Variants in HDAC9 observed in about 807,000 individuals in gnomAD.
HDAC9 encodes MEF-2 interacting transcription repressor (MITR) protein.
Under a neutral mutation model 139.4 loss-of-function variants are expected in HDAC9, and 41 were observed. The ratio of observed to expected loss-of-function variants is 0.29; its 90% CI spans 0.23 to 0.38. The LOEUF (loss-of-function observed/expected upper bound fraction) is 0.38. HDAC9 is among the 10% of genes least tolerant of loss of function. HDAC9 has a pLI of 1.00. For missense variants in HDAC9, 1,147 were observed against 1,297.0 expected, an observed-to-expected ratio of 0.88 and a Z score of 1.78; for synonymous variants, 517 against 476.2, an observed-to-expected ratio of 1.09 and a Z score of -1.12.
At chr7:18,281,485 A>G (rs1463006308) in intron 2 of HDAC9, among the ~76,000 whole-genome samples, 1 of 152,192 alleles carries the variant, frequency 6.6e-6, no homozygotes, top group African/African-American at 2.4e-5. Context: ...TCAGGAAACC[A>G]CTTCTTTAAT....
chr7:18,399,894 G>C (rs565006473), intron 1 of HDAC9, among the ~76,000 whole-genome samples: 2 of 152,292 alleles, frequency 1.3e-5, no homozygotes, highest in African/African-American at 4.8e-5. Context: ...CTTTTCTTTA[G>C]TTTTTCAGGC....
chr7:18,111,497 TG>T (rs1420036924), intron 1 of HDAC9, among the ~76,000 whole-genome samples: 1 of 152,152 alleles, frequency 6.6e-6, no homozygotes, highest in African/African-American at 2.4e-5. Flanking sequence ...GCGACTCCCT[TG>T]GATACCAATA....
chr7:18,091,020 T>C (rs1430670227), intron 1 of HDAC9, among the ~76,000 whole-genome samples: 1 of 152,214 alleles, frequency 6.6e-6, no homozygotes, highest in Admixed American at 6.5e-5. Context: ...GTGGAATATA[T>C]TATCCAGCTT....
At chr7:18,398,017 C>T (rs767491727) in intron 1 of HDAC9, among the ~76,000 whole-genome samples, 3 of 152,170 alleles carry the variant, frequency 2.0e-5, no homozygotes, top group Non-Finnish European at 4.4e-5. Flanking sequence ...CTGAAACCCA[C>T]TGAGGTTCGG....
At chr7:18,795,476 T>C (rs1376031752) in intron 17 of HDAC9, among the ~76,000 whole-genome samples, 1 of 152,160 alleles carries the variant, frequency 6.6e-6, no homozygotes, top group Non-Finnish European at 1.5e-5. Flanking sequence ...GAAAAGTGGA[T>C]ATGAATCTCA....
chr7:18,922,517 C>T (rs924169769), intron 22 of HDAC9, among the ~76,000 whole-genome samples: 2 of 152,042 alleles, frequency 1.3e-5, no homozygotes, highest in Non-Finnish European at 2.9e-5. Context: ...AGTAGAGGAA[C>T]TTACTTTAAA....
At chr7:18,788,123 G>A (rs373577625) in intron 16 of HDAC9, among the ~76,000 whole-genome samples, 5 of 152,080 alleles carry the variant, frequency 3.3e-5, no homozygotes, top group South Asian at 2.1e-4. Context: ...AGCTGAGGTC[G>A]GCAGCAGATT....
intron 6 of HDAC9, among the ~76,000 whole-genome samples, chr7:18,611,106 G>A (rs1394506433): frequency 1.3e-5 from 2 of 152,106 alleles, no homozygotes; most frequent in Non-Finnish European, 2.9e-5. Flanking sequence ...AATGCATTGA[G>A]ACCTTTGTAA....
At chr7:18,355,307 G>C (rs989755649) in intron 1 of HDAC9, among the ~76,000 whole-genome samples, 1 of 152,128 alleles carries the variant, frequency 6.6e-6, no homozygotes, top group Non-Finnish European at 1.5e-5. Context: ...ATGGTTTAGA[G>C]CCTCTGGTCT....
At chr7:18,817,325 C>T (rs987028445) in intron 17 of HDAC9, among the ~76,000 whole-genome samples, 14 of 152,032 alleles carry the variant, frequency 9.2e-5, no homozygotes, top group South Asian at 2.1e-4. Context: ...TGAGCCACCG[C>T]GCCCGGCCGA....
At chr7:18,114,914 A>G (rs1783866725) in intron 1 of HDAC9, among the ~76,000 whole-genome samples, 1 of 152,192 alleles carries the variant, frequency 6.6e-6, no homozygotes, top group African/African-American at 2.4e-5. Context: ...AATATTAGAA[A>G]CGAGTGAAAT....
intron 23 of HDAC9, among the ~76,000 whole-genome samples, chr7:18,943,824 A>G (rs1310596547): frequency 2.0e-5 from 3 of 151,936 alleles, no homozygotes; most frequent in Non-Finnish European, 2.9e-5. Flanking sequence ...TTGACCAGAG[A>G]TATTTCTTTA....
At chr7:18,183,246 T>G (rs1377659432) in intron 2 of HDAC9, among the ~76,000 whole-genome samples, 1 of 152,168 alleles carries the variant, frequency 6.6e-6, no homozygotes, top group African/African-American at 2.4e-5. Context: ...TCTGACCTCG[T>G]GATCCGCCCG....
At chr7:18,100,226 C>T (rs973181038) in intron 1 of HDAC9, among the ~76,000 whole-genome samples, 5 of 152,090 alleles carry the variant, frequency 3.3e-5, no homozygotes, top group Middle Eastern at 3.4e-3. Flanking sequence ...AGTCCTATAA[C>T]GTATTCTGTT....
At chr7:18,623,722 T>C (rs562059598) in intron 6 of HDAC9, among the ~76,000 whole-genome samples, 103 of 152,222 alleles carry the variant, frequency 6.8e-4, no homozygotes, top group African/African-American at 2.4e-3. Context: ...GGCGGGCGGA[T>C]TACAAGGTCA....
In HDAC9 at chr7:18,916,347, C is replaced by G. The variant is rs556142746; in HGVS notation, c.2804-19462C>G. On this transcript the variant is annotated intron_variant, in intron 22 of 25. Transcript: ENST00000686413. ...AAATGCAAGGGGACTTTGATATCAT[C>G]TGCAATAATTTCTTAGTTTTACAAA... 1.7e-4 allele frequency among the ~76,000 whole-genome samples: 26 copies of G among 152,144 alleles called. No homozygotes were observed. The South Asian group carries it at 5.4e-3, about 32-fold the overall frequency.
chr7:18,908,248 T>A (rs528202150), intron 22 of HDAC9, among the ~76,000 whole-genome samples: 106 of 152,186 alleles, frequency 7.0e-4, no homozygotes, highest in African/African-American at 2.4e-3. Flanking sequence ...TTAAAAAAAA[T>A]TTTAATTGAC....
At chr7:18,473,359 T>A (rs1163227630) in intron 1 of HDAC9, among the ~76,000 whole-genome samples, 3 of 152,246 alleles carry the variant, frequency 2.0e-5, no homozygotes, top group Non-Finnish European at 4.4e-5. Context: ...TTGTTTTCGA[T>A]TCTTTCTTTT....
intron 2 of HDAC9, among the ~76,000 whole-genome samples, chr7:18,262,797 CCTA>C (rs1795763622): frequency 6.6e-6 from 1 of 151,938 alleles, no homozygotes; most frequent in Non-Finnish European, 1.5e-5. Flanking sequence ...ATTAATTCTA[CCTA>C]CATTGTTATA....
Sources: allele counts gnomAD v4.1 joint callset (sites outside exome capture counted in the v4.1 genomes callset), GRCh38; gene constraint gnomAD v4.1.1; transcripts MANE v1.5; gene names NCBI Gene and HGNC (gene_info 2026-07-23, HGNC 2026-07-21).